Variants in SYT1 observed in about 807,000 individuals in gnomAD.
SYT1 encodes the protein synaptotagmin-1.
Under a neutral mutation model 44.8 loss-of-function variants are expected in SYT1, and 8 were observed. The observed-to-expected ratio is 0.18, with a 90% CI of 0.10 to 0.32. SYT1 has a LOEUF of 0.32. Ranked by LOEUF, SYT1 falls within the 10% of genes least tolerant of loss-of-function variation. The probability of loss-of-function intolerance (pLI) is 1.00; values close to 1 mark genes in which losing one functional copy is unlikely to be tolerated. For missense variants in SYT1, 286 were observed against 509.3 expected (o/e 0.56, Z 4.22); for synonymous variants, 154 against 188.8 (o/e 0.82, Z 1.51).
chr12:79,129,747 T>C (rs924964726), intron 3 of SYT1, among the ~76,000 whole-genome samples: 1 of 152,190 alleles, frequency 6.6e-6, no homozygotes, highest in African/African-American at 2.4e-5. Context: ...GTACCTTTTA[T>C]CATCAAACCA....
intron 4 of SYT1, among the ~76,000 whole-genome samples, chr12:79,261,834 A>G (rs1592908822): frequency 6.6e-6 from 1 of 152,202 alleles, no homozygotes; most frequent in Non-Finnish European, 1.5e-5. Context: ...TTCTGAACAC[A>G]CAATTCTCTG....
intron 1 of SYT1, among the ~76,000 whole-genome samples, chr12:78,951,396 C>A (rs1878960374): frequency 6.6e-6 from 1 of 151,852 alleles, no homozygotes; most frequent in Non-Finnish European, 1.5e-5. Flanking sequence ...TAGTAGTTAC[C>A]AATATAGTAG....
At chr12:79,342,445 G>C (rs1205155609) in intron 8 of SYT1, among the ~76,000 whole-genome samples, 4 of 152,108 alleles carry the variant, frequency 2.6e-5, no homozygotes, top group African/African-American at 9.7e-5. Flanking sequence ...TGCCCAGACT[G>C]GTCTCAAAAT....
intron 1 of SYT1, among the ~76,000 whole-genome samples, chr12:78,969,350 TC>T (rs1168826787): frequency 1.3e-5 from 2 of 152,236 alleles, no homozygotes; most frequent in East Asian, 3.9e-4. Flanking sequence ...ATGGAAGACT[TC>T]CCTACAAAGG....
chr12:78,944,218 TA>T (rs1479090387), intron 1 of SYT1, among the ~76,000 whole-genome samples: 2 of 151,626 alleles, frequency 1.3e-5, no homozygotes, highest in East Asian at 3.9e-4. Context: ...AACAGTTAAA[TA>T]ATGGTAAATT....
chr12:79,142,442 G>C (rs1380237693), intron 3 of SYT1, among the ~76,000 whole-genome samples: 1 of 152,126 alleles, frequency 6.6e-6, no homozygotes, highest in Non-Finnish European at 1.5e-5. Flanking sequence ...GGGCTGGCTT[G>C]GATAAAGTAT....
At chr12:79,027,304 C>A (rs775773887) in intron 2 of SYT1, among the ~76,000 whole-genome samples, 1 of 151,582 alleles carries the variant, frequency 6.6e-6, no homozygotes, top group African/African-American at 2.4e-5. Context: ...TTCCATTAAG[C>A]TTTACCTGCC....
At chr12:79,199,727 A>T (rs956202068) in intron 3 of SYT1, among the ~76,000 whole-genome samples, 3 of 152,198 alleles carry the variant, frequency 2.0e-5, no homozygotes, top group Non-Finnish European at 4.4e-5. Flanking sequence ...GTTTATATCA[A>T]TATAAATACG....
At chr12:79,009,291 C>A (rs1352115823) in intron 2 of SYT1, among the ~76,000 whole-genome samples, 2 of 151,640 alleles carry the variant, frequency 1.3e-5, no homozygotes, top group Non-Finnish European at 2.9e-5. Context: ...AGATAAAGAG[C>A]CCTCTGGTTT....
chr12:78,921,204 G>A (rs1466899987), intron 1 of SYT1, among the ~76,000 whole-genome samples: 1 of 151,854 alleles, frequency 6.6e-6, no homozygotes, highest in Non-Finnish European at 1.5e-5. Context: ...ACAGAAGTTA[G>A]CATAGGGGAA....
chr12:78,963,660 A>G (rs1879628051), intron 1 of SYT1, among the ~76,000 whole-genome samples: 1 of 152,158 alleles, frequency 6.6e-6, no homozygotes, highest in Non-Finnish European at 1.5e-5. Context: ...CAAAAACAAA[A>G]CAAACAAAAA....
At chr12:79,309,909 G>A (rs1880682090) in intron 8 of SYT1, among the ~76,000 whole-genome samples, 2 of 152,060 alleles carry the variant, frequency 1.3e-5, no homozygotes. Context: ...GTAGATTCTG[G>A]ATATTAGCCC....
intron 1 of SYT1, among the ~76,000 whole-genome samples, chr12:78,893,644 A>T (rs908784640): frequency 2.0e-5 from 3 of 151,812 alleles, no homozygotes; most frequent in Non-Finnish European, 4.4e-5. Flanking sequence ...ACACTAGGCC[A>T]GTAGATGACA....
intron 8 of SYT1, among the ~76,000 whole-genome samples, chr12:79,333,118 G>A (rs61928824): frequency 0.06 from 9,163 of 152,120 alleles, 323 homozygotes; most frequent in African/African-American, 0.1. Context: ...TCTTGTCTGA[G>A]TCCATTTAGG....
Position 79,285,887 on chromosome 12 carries a change from C to G in SYT1, c.267C>G (p.Asn89Lys). 1.2e-6 allele frequency: 2 copies of G among 1,613,160 alleles called. No individual in the cohort carries two copies. The highest frequency in any genetic ancestry group is 1.1e-5 in the South Asian group (1 of 91,008). ...AGAAATGTTTGTTCAAAAAGAAAAA[C>G]AAGAAGAAGGGAAAGGAAAAAGGAG... ...ICKKCLFKKK[N>K]KKKGKEKGGK... Residue 89 changes from asparagine (N) to lysine (K), a missense_variant, in exon 5 of 11, where the codon AAC becomes AAG. Coordinates refer to ENST00000261205, the MANE Select transcript of SYT1 (RefSeq NM_005639.3).
At chr12:79,213,111 A>G (rs141561914) in intron 3 of SYT1, among the ~76,000 whole-genome samples, 2 of 152,322 alleles carry the variant, frequency 1.3e-5, no homozygotes, top group African/African-American at 4.8e-5. Context: ...ACTAATGTAC[A>G]CAACTTTGAG....
intron 3 of SYT1, among the ~76,000 whole-genome samples, chr12:79,112,477 C>T (rs1046386284): frequency 1.3e-5 from 2 of 152,006 alleles, no homozygotes; most frequent in African/African-American, 4.8e-5. Context: ...CATGTGGAGC[C>T]ATTGAGAGTT....
intron 3 of SYT1, among the ~76,000 whole-genome samples, chr12:79,130,087 A>G (rs1456996635): frequency 6.6e-6 from 1 of 152,218 alleles, no homozygotes; most frequent in Non-Finnish European, 1.5e-5. Context: ...AAAATTTGCT[A>G]AGTTTCAGCA....
chr12:78,886,277 G>C (rs914491244), intron 1 of SYT1, among the ~76,000 whole-genome samples: 2 of 151,978 alleles, frequency 1.3e-5, no homozygotes, highest in Non-Finnish European at 2.9e-5. Context: ...TATAGAGTGA[G>C]TGCAATTGGT....
Sources: gnomAD v4.1 joint callset for allele counts (sites outside exome capture counted in the v4.1 genomes callset) on GRCh38, gnomAD v4.1.1 for gene constraint, MANE v1.5 for transcripts, NCBI Gene and HGNC (gene_info 2026-07-23, HGNC 2026-07-21) for gene names.